The following RIMS1 variants were observed in gnomAD, a reference collection of about 807,000 sequenced individuals.
RIMS1 encodes regulating synaptic membrane exocytosis 1.
RIMS1 carries 83 observed loss-of-function variants against 214.1 expected under a neutral mutation model. The ratio of observed to expected loss-of-function variants is 0.39; its 90% CI spans 0.32 to 0.47. RIMS1 has a LOEUF of 0.47. Among genes scored for constraint, RIMS1 ranks in the 20% least tolerant of loss-of-function variants. RIMS1 has a pLI of 0.99. For synonymous variants in RIMS1, 793 were observed against 786.8 expected (o/e 1.01, Z -0.13); for missense variants, 2,050 against 2,161.8 (o/e 0.95, Z 1.03).
At chr6:72,348,255 T>C (rs2097333134) in intron 29 of RIMS1, among the ~76,000 whole-genome samples, 1 of 151,964 alleles carries the variant, frequency 6.6e-6, no homozygotes. Context: ...TACACAAATT[T>C]TTTTGTCAAA....
chr6:72,007,063 G>A (rs1006162578), intron 2 of RIMS1, among the ~76,000 whole-genome samples: 3 of 152,172 alleles, frequency 2.0e-5, no homozygotes, highest in African/African-American at 7.2e-5. Flanking sequence ...GCCTAACTGG[G>A]AGGCCCCCCC....
At chr6:72,303,375 A>G (rs1435497523) in intron 26 of RIMS1, among the ~76,000 whole-genome samples, 1 of 151,064 alleles carries the variant, frequency 6.6e-6, no homozygotes, top group Non-Finnish European at 1.5e-5. Context: ...TCATAGATTT[A>G]TTAAAGATCA....
chr6:72,328,118 A>G (rs1245976095), intron 28 of RIMS1, among the ~76,000 whole-genome samples: 1 of 152,084 alleles, frequency 6.6e-6, no homozygotes, highest in East Asian at 1.9e-4. Flanking sequence ...ATGGAATACT[A>G]TGCAGCCATA....
At chr6:72,086,670 CTG>C (rs765008133) in intron 2 of RIMS1, among the ~76,000 whole-genome samples, 9 of 152,142 alleles carry the variant, frequency 5.9e-5, no homozygotes, top group Non-Finnish European at 1.0e-4. Context: ...GAAGATTCTA[CTG>C]TGTTTGACAA....
At chr6:72,090,333 T>G (rs979941392) in intron 2 of RIMS1, among the ~76,000 whole-genome samples, 1 of 152,118 alleles carries the variant, frequency 6.6e-6, no homozygotes, top group African/African-American at 2.4e-5. Flanking sequence ...AGTAGTTAGC[T>G]TGTGATTTTG....
intron 6 of RIMS1, among the ~76,000 whole-genome samples, chr6:72,185,375 A>G (rs2048951099): frequency 6.6e-6 from 1 of 152,226 alleles, no homozygotes; most frequent in Non-Finnish European, 1.5e-5. Context: ...GATGTTGTGC[A>G]TGACTTCACT....
At chr6:72,307,045 G>A (rs746921781) in intron 26 of RIMS1, among the ~76,000 whole-genome samples, 2 of 152,062 alleles carry the variant, frequency 1.3e-5, no homozygotes, top group Non-Finnish European at 2.9e-5. Flanking sequence ...TAACATTTAC[G>A]TTCCCCATTC....
At chr6:72,223,470 T>A (rs2059168843) in intron 6 of RIMS1, among the ~76,000 whole-genome samples, 1 of 152,156 alleles carries the variant, frequency 6.6e-6, no homozygotes, top group South Asian at 2.1e-4. Context: ...TATTTTAATA[T>A]CAAAAGTGAT....
intron 6 of RIMS1, among the ~76,000 whole-genome samples, chr6:72,187,828 G>T (rs2049385537): frequency 6.6e-6 from 1 of 151,980 alleles, no homozygotes; most frequent in South Asian, 2.1e-4. Context: ...TGTGTATTAG[G>T]GTTCTCTAGA....
intron 2 of RIMS1, among the ~76,000 whole-genome samples, chr6:72,005,039 A>T (rs1411133437): frequency 2.0e-5 from 3 of 151,362 alleles, no homozygotes; most frequent in African/African-American, 7.3e-5. Context: ...TCTTGAATTA[A>T]TTTTTGTATA....
At chr6:72,211,462 G>A (rs2053794674) in intron 6 of RIMS1, among the ~76,000 whole-genome samples, 1 of 152,126 alleles carries the variant, frequency 6.6e-6, no homozygotes, top group African/African-American at 2.4e-5. Flanking sequence ...ATAATTGTGA[G>A]CAACAGGATA....
chr6:72,355,945 G>A (rs1281907833), intron 29 of RIMS1, among the ~76,000 whole-genome samples: 1 of 152,098 alleles, frequency 6.6e-6, no homozygotes, highest in Admixed American at 6.6e-5. Context: ...CTGTTGTTGC[G>A]TTCTAGATAC....
At chr6:71,920,576 T>A (rs1465344451) in intron 1 of RIMS1, among the ~76,000 whole-genome samples, 6 of 152,214 alleles carry the variant, frequency 3.9e-5, no homozygotes, top group African/African-American at 1.4e-4. Context: ...AGGTAAAATT[T>A]AATTAGTGGG....
At chr6:72,144,876 TTC>T (rs2042530454) in intron 4 of RIMS1, among the ~76,000 whole-genome samples, 1 of 151,898 alleles carries the variant, frequency 6.6e-6, no homozygotes, top group African/African-American at 2.4e-5. Context: ...AGGATTTTTT[TTC>T]TTTCTTTTTT....
At chr6:71,983,643 A>G (rs554399014) in intron 2 of RIMS1, among the ~76,000 whole-genome samples, 1 of 152,278 alleles carries the variant, frequency 6.6e-6, no homozygotes, top group Admixed American at 6.5e-5. Flanking sequence ...AGAAATGACT[A>G]CTTGCCATCT....
chr6:71,898,487 A>G (rs1175183897), intron 1 of RIMS1, among the ~76,000 whole-genome samples: 1 of 152,160 alleles, frequency 6.6e-6, no homozygotes, highest in Non-Finnish European at 1.5e-5. Flanking sequence ...ACTAAATTGT[A>G]TAGCCTGTGT....
intron 2 of RIMS1, among the ~76,000 whole-genome samples, chr6:72,075,830 T>G (rs958668567): frequency 6.6e-6 from 1 of 152,236 alleles, no homozygotes; most frequent in Non-Finnish European, 1.5e-5. Flanking sequence ...ATCTGTCTTA[T>G]AGTTCTGAAT....
chr6:72,156,507 C>CT lies in RIMS1; in HGVS notation c.472-23067dup, dbSNP rs748404545. On this transcript the variant is annotated intron_variant, in intron 4 of 33. Transcript: ENST00000521978. ...ATGGGGAGAAGTAGGTAAAAGGGTA[C>CT]TACCTTTGAGTTATGATCAATAGGT... Among the ~76,000 whole-genome samples, 20 of 140,234 alleles carry CT rather than the reference C, an allele frequency of 1.4e-4. 6 individuals carry two copies. The highest frequency in any genetic ancestry group is 3.1e-4 in the Non-Finnish European group (19 of 61,690). The allele number at this position is 140,234 out of a possible 152,430, so 92.0% of individuals were successfully genotyped here.
rs150357459 is a variant in RIMS1, at chr6:71,985,698, T to C, written c.245+16635T>C. On this transcript the variant is annotated intron_variant, in intron 2 of 33. Transcript: ENST00000521978. Reference sequence around the variant, plus strand: ...TTTTCTGTTTTTATTTAGTTAGTTTTTGAGAAACAGCCGTTAAACATTTAT... The same window carrying C: ...TTTTCTGTTTTTATTTAGTTAGTTTCTGAGAAACAGCCGTTAAACATTTAT... 2.6e-5 allele frequency among the ~76,000 whole-genome samples: 4 copies of C among 152,316 alleles called. No individual in the cohort carries two copies. The East Asian group carries it at 7.7e-4, about 29-fold the overall frequency.
Sources: gnomAD v4.1 joint callset for allele counts (sites outside exome capture counted in the v4.1 genomes callset) on GRCh38, gnomAD v4.1.1 for gene constraint, MANE v1.5 for transcripts, NCBI Gene and HGNC (gene_info 2026-07-23, HGNC 2026-07-21) for gene names.